The following PTPRD variants were observed in gnomAD, a reference collection of about 807,000 sequenced individuals.
PTPRD encodes the protein protein tyrosine phosphatase receptor type D, also known as receptor-type tyrosine-protein phosphatase delta.
PTPRD carries 34 observed loss-of-function variants against 214.5 expected under a neutral mutation model. The observed-to-expected ratio is 0.16, with a 90% CI of 0.12 to 0.21. PTPRD has a LOEUF of 0.21. Ranked by LOEUF, PTPRD falls within the 10% of genes least tolerant of loss-of-function variation. PTPRD has a pLI of 1.00. For synonymous variants in PTPRD, 1,128 were observed against 845.7 expected (o/e 1.33, Z -5.79); for missense variants, 2,545 against 2,398.7 (o/e 1.06, Z -1.27).
intron 14 of PTPRD, among the ~76,000 whole-genome samples, chr9:8,596,343 G>T (rs983658101): frequency 1.3e-5 from 2 of 151,576 alleles, no homozygotes; most frequent in Admixed American, 1.3e-4. Flanking sequence ...TTAGCAAGTG[G>T]ACAAATACAA....
chr9:9,618,254 C>A (rs1490215239), intron 7 of PTPRD, among the ~76,000 whole-genome samples: 1 of 151,810 alleles, frequency 6.6e-6, no homozygotes, highest in Non-Finnish European at 1.5e-5. Flanking sequence ...CACTCTTCAT[C>A]ATTATACTAA....
chr9:9,467,240 C>G (rs867402023), intron 8 of PTPRD, among the ~76,000 whole-genome samples: 1 of 106,404 alleles, frequency 9.4e-6, no homozygotes, highest in African/African-American at 3.8e-5. Flanking sequence ...TTTTTTTTAA[C>G]CTAATGCTTC....
At chr9:8,761,451 G>A (rs1234536933) in intron 11 of PTPRD, among the ~76,000 whole-genome samples, 1 of 152,070 alleles carries the variant, frequency 6.6e-6, no homozygotes, top group African/African-American at 2.4e-5. Flanking sequence ...ACACAATATG[G>A]TTACTGTTTA....
intron 10 of PTPRD, among the ~76,000 whole-genome samples, chr9:9,113,092 G>A (rs1262214050): frequency 1.3e-5 from 2 of 151,562 alleles, no homozygotes; most frequent in African/African-American, 2.4e-5. Flanking sequence ...AGCCTCCCAA[G>A]TGGCTAGAAC....
At chr9:8,366,484 A>G (rs893744013) in intron 39 of PTPRD, among the ~76,000 whole-genome samples, 1 of 152,206 alleles carries the variant, frequency 6.6e-6, no homozygotes, top group Non-Finnish European at 1.5e-5. Flanking sequence ...AAGTAGACAA[A>G]AACAAAAAAT....
chr9:8,924,906 A>C (rs376718714), intron 11 of PTPRD, among the ~76,000 whole-genome samples: 1 of 152,174 alleles, frequency 6.6e-6, no homozygotes, highest in Admixed American at 6.5e-5. Flanking sequence ...TAAGCCTATG[A>C]AGCCATCATT....
chr9:9,927,762 T>C (rs1363088635), intron 5 of PTPRD, among the ~76,000 whole-genome samples: 1 of 152,180 alleles, frequency 6.6e-6, no homozygotes, highest in Non-Finnish European at 1.5e-5. Context: ...TTTGAAATAT[T>C]GCCTCTTTCT....
intron 9 of PTPRD, among the ~76,000 whole-genome samples, chr9:9,335,698 T>C (rs1285255191): frequency 6.6e-6 from 1 of 152,120 alleles, no homozygotes; most frequent in East Asian, 1.9e-4. Flanking sequence ...TATTCCTTTC[T>C]CATTCACTTT....
At chr9:9,086,651 A>G (rs2099767469) in intron 10 of PTPRD, among the ~76,000 whole-genome samples, 1 of 152,214 alleles carries the variant, frequency 6.6e-6, no homozygotes, top group Non-Finnish European at 1.5e-5. Flanking sequence ...TAGGTGGCTG[A>G]ATTCTGTACA....
At chr9:8,778,483 T>A (rs1425264056) in intron 11 of PTPRD, among the ~76,000 whole-genome samples, 1 of 152,186 alleles carries the variant, frequency 6.6e-6, no homozygotes, top group Non-Finnish European at 1.5e-5. Flanking sequence ...GATTACTAGC[T>A]GCGAATCTGC....
chr9:8,400,596 A>G (rs543386120), intron 36 of PTPRD, among the ~76,000 whole-genome samples: 1 of 152,320 alleles, frequency 6.6e-6, no homozygotes, highest in South Asian at 2.1e-4. Flanking sequence ...TTTTCCACCC[A>G]TGCTAAGTGA....
At chr9:9,688,662 G>A (rs909137277) in intron 7 of PTPRD, among the ~76,000 whole-genome samples, 1 of 151,826 alleles carries the variant, frequency 6.6e-6, no homozygotes, top group Non-Finnish European at 1.5e-5. Flanking sequence ...AGGCCAGTGA[G>A]GCCACTAGTC....
intron 9 of PTPRD, among the ~76,000 whole-genome samples, chr9:9,301,192 A>G (rs1296840971): frequency 3.3e-5 from 5 of 151,950 alleles, no homozygotes; most frequent in Admixed American, 6.6e-5. Flanking sequence ...GATTAGAACT[A>G]TGTTAAAGTT....
chr9:8,426,823 GAAAGAAC>G (rs2094710628), intron 35 of PTPRD, among the ~76,000 whole-genome samples: 1 of 150,316 alleles, frequency 6.7e-6, no homozygotes, highest in Non-Finnish European at 1.5e-5. Flanking sequence ...TAATGTGGGT[GAAAGAAC>G]AAACATTTTA....
chr9:8,647,390 A>G (rs934436947), intron 12 of PTPRD, among the ~76,000 whole-genome samples: 2 of 152,206 alleles, frequency 1.3e-5, no homozygotes, highest in Non-Finnish European at 2.9e-5. Flanking sequence ...CTTATTTTAC[A>G]TATTTTTTAA....
At position 10,273,225 on chromosome 9, in the gene PTPRD, T is replaced by C. The variant is rs182666246; in HGVS notation, c.-545+67738A>G. Among the ~76,000 whole-genome samples the C allele has an allele frequency of 3.9e-5, 6 of 152,276 alleles. No individual in the cohort carries two copies. In the East Asian group the frequency reaches 1.2e-3, roughly 29 times the overall value. On this transcript the variant is annotated intron_variant, in intron 3 of 45. Coordinates refer to ENST00000381196, the MANE Select transcript of PTPRD (RefSeq NM_002839.4). Reference sequence around the variant, plus strand: ...TGGAAATGCCCTTTTAGACCAAATATAGTTCTAGCATCTGTGTCCCTCTTT... The same window carrying C: ...TGGAAATGCCCTTTTAGACCAAATACAGTTCTAGCATCTGTGTCCCTCTTT...
Position 10,147,961 on chromosome 9 carries a change from T to C in PTPRD, c.-544-114171A>G, listed in dbSNP as rs149726911. ...TTGTGGTAGCAAGGTCTGAGCCCAT[T>C]AGAAAAGTGAAAGTATATAGTTAAG... On this transcript the variant is annotated intron_variant, in intron 3 of 45. Coordinates refer to ENST00000381196, the MANE Select transcript of PTPRD (RefSeq NM_002839.4). 6.3e-3 allele frequency among the ~76,000 whole-genome samples: 954 copies of C among 152,292 alleles called. 11 individuals are homozygous for C. Among genetic ancestry groups the C allele is most frequent in the African/African-American group, 0.021 (857 of 41,572 alleles).
At chr9:10,579,758 C>A (rs1351853753) in intron 2 of PTPRD, among the ~76,000 whole-genome samples, 3 of 152,162 alleles carry the variant, frequency 2.0e-5, no homozygotes, top group Non-Finnish European at 4.4e-5. Flanking sequence ...TTCTCCAAGA[C>A]CTCACCAATA....
intron 8 of PTPRD, among the ~76,000 whole-genome samples, chr9:9,487,011 T>A (rs761505306): frequency 5.3e-5 from 8 of 152,168 alleles, no homozygotes; most frequent in Non-Finnish European, 1.2e-4. Flanking sequence ...TTAAATAAAT[T>A]ATAGTTTTAA....
Sources: allele counts gnomAD v4.1 joint callset (sites outside exome capture counted in the v4.1 genomes callset), GRCh38; gene constraint gnomAD v4.1.1; transcripts MANE v1.5; gene names NCBI Gene and HGNC (gene_info 2026-07-23, HGNC 2026-07-21).